The following PPIP5K2 variants were observed in gnomAD, a reference collection of about 807,000 sequenced individuals.
PPIP5K2 encodes diphosphoinositol pentakisphosphate kinase 2.
PPIP5K2 carries 105 observed loss-of-function variants against 154.6 expected under a neutral mutation model. The observed-to-expected ratio is 0.68, with a 90% CI of 0.58 to 0.80. The LOEUF is 0.80. Among genes scored for constraint, PPIP5K2 ranks in the 30% least tolerant of loss-of-function variants. The pLI is 0.00. For synonymous variants in PPIP5K2, 480 were observed against 490.3 expected, an observed-to-expected ratio of 0.98 and a Z score of 0.28; for missense variants, 992 against 1,504.6, an observed-to-expected ratio of 0.66 and a Z score of 5.64.
chr5:103,173,348 A>C, intron 20 of PPIP5K2, 66 bp downstream of exon 20: 2 of 1,520,926 alleles, frequency 1.3e-6, no homozygotes, highest in East Asian at 2.3e-5. Context: ...AATTTAAATT[A>C]TACTTTGATG....
In PPIP5K2 at chr5:103,120,511, G is replaced by T. The variant is rs782256098; in HGVS notation, c.-285+23G>T. ...CAGGTGAGGGCCCAAAACCGGAGGAGAACCGGAGATGCGGAACCTGATCAT... is the reference window on the plus strand; with the variant it reads ...CAGGTGAGGGCCCAAAACCGGAGGATAACCGGAGATGCGGAACCTGATCAT... On this transcript the variant is annotated intron_variant, in intron 1 of 30. Transcript: ENST00000358359. The T allele has an allele frequency of 8.8e-6, 4 of 456,548 alleles. No individual in the cohort carries two copies. In the East Asian group the frequency reaches 2.8e-4, roughly 32 times the overall value. The allele number at this position is 456,548 out of a possible 1,614,324, so 28.3% of individuals were successfully genotyped here.
At chr5:103,177,359 A>G (rs1345771437) in intron 21 of PPIP5K2, among the ~76,000 whole-genome samples, 8 of 152,092 alleles carry the variant, frequency 5.3e-5, no homozygotes, top group South Asian at 2.1e-4. Context: ...AAATTCTCCA[A>G]TGAGTATTTC....
chr5:103,196,311 T>G (rs1802085479), intron 30 of PPIP5K2, among the ~76,000 whole-genome samples: 1 of 152,162 alleles, frequency 6.6e-6, no homozygotes, highest in South Asian at 2.1e-4. Flanking sequence ...TATAACTCTA[T>G]CAGATTACAA....
chr5:103,142,634 G>A (rs1458450046), intron 5 of PPIP5K2, among the ~76,000 whole-genome samples: 1 of 152,152 alleles, frequency 6.6e-6, no homozygotes, highest in African/African-American at 2.4e-5. Context: ...AAATTAGCCG[G>A]GTGTGGTGGC....
intron 30 of PPIP5K2, among the ~76,000 whole-genome samples, chr5:103,196,691 C>T (rs1802133283): frequency 6.6e-6 from 1 of 152,006 alleles, no homozygotes; most frequent in African/African-American, 2.4e-5. Context: ...ATAATAAATG[C>T]ATTAGTTCAT....
At chr5:103,157,928 G>A (rs1406637727) in intron 14 of PPIP5K2, among the ~76,000 whole-genome samples, 1 of 152,052 alleles carries the variant, frequency 6.6e-6, no homozygotes, top group Non-Finnish European at 1.5e-5. Context: ...AAGAAAATTG[G>A]GAGCCATTTT....
At chr5:103,165,875 G>A (rs782454352) in intron 17 of PPIP5K2, among the ~76,000 whole-genome samples, 3 of 152,020 alleles carry the variant, frequency 2.0e-5, no homozygotes, top group Non-Finnish European at 4.4e-5. Flanking sequence ...CATCTCAGTT[G>A]GTTTAACTTA....
intron 5 of PPIP5K2, among the ~76,000 whole-genome samples, chr5:103,143,648 A>T (rs1304822754): frequency 6.6e-6 from 1 of 152,246 alleles, no homozygotes; most frequent in Non-Finnish European, 1.5e-5. Context: ...GAGTTGCTAA[A>T]TGGATTAAAA....
intron 7 of PPIP5K2, 78 bp from the exon 8 acceptor site, chr5:103,149,074 G>A: frequency 9.1e-7 from 1 of 1,103,282 alleles, no homozygotes; most frequent in South Asian, 2.7e-5. Context: ...TTTTTTCATT[G>A]TATTTGTTGT....
At chr5:103,199,346 A>G (rs1313937670) in intron 30 of PPIP5K2, among the ~76,000 whole-genome samples, 1 of 151,836 alleles carries the variant, frequency 6.6e-6, no homozygotes, top group Admixed American at 6.6e-5. Context: ...AACAAATTCT[A>G]TTCATTTTTT....
Position 103,209,496 on chromosome 5 carries a change from G to T in PPIP5K2, c.*7862G>T, listed in dbSNP as rs1282674637. The stretch of plus-strand genomic sequence containing the variant: ...ATGAGTGGCACCATTGTGTGACCCA[G>T]GTAGGATAGTGGATGTACAGTTTAG... On this transcript the variant is annotated 3_prime_UTR_variant, in exon 31 of 31. Transcript: ENST00000358359. 6.6e-6 allele frequency: 1 copy of T among 152,138 alleles called. No individual in the cohort carries two copies. Among genetic ancestry groups the T allele is most frequent in the Non-Finnish European group, 1.5e-5 (1 of 68,016 alleles). The allele number at this position is 152,138 out of a possible 1,614,324, so 9.4% of individuals were successfully genotyped here.
chr5:103,191,200 C>CA lies in PPIP5K2; in HGVS notation c.3493+224dup, dbSNP rs1801181672. The CA allele has an allele frequency of 1.1e-5, 4 of 374,760 alleles. No homozygotes were observed. The South Asian group carries it at 4.1e-4, about 38-fold the overall frequency. 23.2% of individuals were successfully genotyped at this position (374,760 alleles called of 1,614,324 possible). On this transcript the variant is annotated intron_variant, in intron 29 of 30. Coordinates refer to ENST00000358359, the MANE Select transcript of PPIP5K2 (RefSeq NM_001276277.3). Reference sequence around the variant, plus strand: ...ATCTTTTCTTCTTACCAAAAAAAAACAAAAAACAAAAAACCAATAGCAGTA... The same window carrying CA: ...ATCTTTTCTTCTTACCAAAAAAAAACAAAAAAACAAAAAACCAATAGCAGTA...
chr5:103,155,803 A>C, intron 13 of PPIP5K2, 106 bp from the exon 14 acceptor site: 3 of 763,902 alleles, frequency 3.9e-6, no homozygotes, highest in South Asian at 3.2e-5. Flanking sequence ...TTTTGATAGA[A>C]TATTTCGAAG....
rs1803846520 is a variant in PPIP5K2, at chr5:103,212,260, A to G, written c.*10626A>G. 2.0e-5 allele frequency: 3 copies of G among 152,648 alleles called. No homozygotes were observed. Among genetic ancestry groups the G allele is most frequent in the Non-Finnish European group, 4.4e-5 (3 of 68,012 alleles). The allele number at this position is 152,648 out of a possible 1,614,324, so 9.5% of individuals were successfully genotyped here. On this transcript the variant is annotated 3_prime_UTR_variant, in exon 31 of 31. Transcript: ENST00000358359. ...TCCATAAAAGAAATAAAATGCCAAA[A>G]CATACCATGAGGACACTTTCACAAT...
chr5:103,151,185 A>G (rs1794596136), intron 8 of PPIP5K2, 68 bp from the exon 9 acceptor site: 1 of 1,339,930 alleles, frequency 7.5e-7, no homozygotes, highest in Admixed American at 2.2e-5. Flanking sequence ...ATGTTCTGAT[A>G]GGACTAGAAA....
At chr5:103,127,783 T>A (rs1789942950) in intron 1 of PPIP5K2, among the ~76,000 whole-genome samples, 1 of 152,118 alleles carries the variant, frequency 6.6e-6, no homozygotes, top group African/African-American at 2.4e-5. Flanking sequence ...TCCAGAACAT[T>A]CCCCTTCCAT....
chr5:103,167,034 T>C lies in PPIP5K2; in HGVS notation c.1921-145T>C, dbSNP rs951144007. The C allele has an allele frequency of 1.1e-5, 6 of 553,076 alleles. No individual in the cohort carries two copies. The East Asian group carries it at 2.1e-4, about 19-fold the overall frequency. The allele number at this position is 553,076 out of a possible 1,614,324, so 34.3% of individuals were successfully genotyped here. ...TCCTTTGCAGTTCAAACCTGTGGTG[T>C]TCAAGGGTCAACTGTATTTTGTGGT... On this transcript the variant is annotated intron_variant, in intron 17 of 30. Coordinates refer to ENST00000358359, the MANE Select transcript of PPIP5K2 (RefSeq NM_001276277.3).
At chr5:103,174,994 G>T (rs915052101) in intron 21 of PPIP5K2, among the ~76,000 whole-genome samples, 8 of 152,034 alleles carry the variant, frequency 5.3e-5, no homozygotes, top group Non-Finnish European at 1.2e-4. Flanking sequence ...AATACTACTT[G>T]AAGTCCAGAA....
Position 103,149,321 on chromosome 5 carries a change from G to T in PPIP5K2, c.906+8G>T. ...GTCTGCCTTGCTTTTAAGGTAAGAT[G>T]TTATACAGGCCTATAGATCCTTATA... On this transcript the variant is annotated splice_region_variant and intron_variant, in intron 8 of 30. Coordinates refer to ENST00000358359, the MANE Select transcript of PPIP5K2 (RefSeq NM_001276277.3). 2 of 1,611,164 alleles carry T rather than the reference G, an allele frequency of 1.2e-6. No homozygotes were observed. The highest frequency in any genetic ancestry group is 2.2e-5 in the South Asian group (2 of 90,678).
Sources: gnomAD v4.1 joint callset for allele counts (sites outside exome capture counted in the v4.1 genomes callset) on GRCh38, gnomAD v4.1.1 for gene constraint, MANE v1.5 for transcripts, NCBI Gene and HGNC (gene_info 2026-07-23, HGNC 2026-07-21) for gene names.